The following SNTG1 variants were observed in gnomAD, a reference collection of about 807,000 sequenced individuals.
SNTG1 encodes the protein syntrophin gamma 1, also known as gamma-1-syntrophin.
A neutral mutation model predicts 74.7 loss-of-function variants in SNTG1; 39 were observed. That is an observed-to-expected ratio of 0.52 (90% CI 0.40 to 0.68). The LOEUF is 0.68. Among genes scored for constraint, SNTG1 ranks in the 30% least tolerant of loss-of-function variants. The probability of loss-of-function intolerance (pLI) is 0.00; values close to 1 mark genes in which losing one functional copy is unlikely to be tolerated. For missense variants in SNTG1, 685 were observed against 609.5 expected, an observed-to-expected ratio of 1.12 and a Z score of -1.30; for synonymous variants, 254 against 217.1, an observed-to-expected ratio of 1.17 and a Z score of -1.49.
At position 50,701,277 on chromosome 8, in the gene SNTG1, G is replaced by A. The variant is rs181055207; in HGVS notation, c.1039-3323G>A. Among the ~76,000 whole-genome samples, 138 of 152,270 alleles carry A rather than the reference G, an allele frequency of 9.1e-4. 2 individuals carry two copies. Among genetic ancestry groups the A allele is most frequent in the Middle Eastern group, 6.8e-3 (2 of 294 alleles). On this transcript the variant is annotated intron_variant, in intron 15 of 18. Transcript: ENST00000642720. ...TGTTGAAATATCTGCAGTATAAAGA[G>A]AGGGCATACTAAAATTTTTGCTATA...
intron 2 of SNTG1, among the ~76,000 whole-genome samples, chr8:50,383,772 C>T (rs1473378729): frequency 6.6e-6 from 1 of 152,158 alleles, no homozygotes; most frequent in African/African-American, 2.4e-5. Flanking sequence ...CCTAAGGAAC[C>T]TCCTGTGCAT....
At chr8:50,003,218 C>T (rs1248684093) in intron 1 of SNTG1, among the ~76,000 whole-genome samples, 2 of 152,124 alleles carry the variant, frequency 1.3e-5, no homozygotes, top group African/African-American at 4.8e-5. Context: ...CTGAGTTGTA[C>T]ACTTAAAAGG....
intron 16 of SNTG1, among the ~76,000 whole-genome samples, chr8:50,705,804 C>T (rs1437261127): frequency 6.6e-6 from 1 of 152,150 alleles, no homozygotes; most frequent in Non-Finnish European, 1.5e-5. Context: ...CTTCACAAGA[C>T]CATTGAACAA....
At chr8:50,699,932 C>T (rs1297512481) in intron 15 of SNTG1, among the ~76,000 whole-genome samples, 1 of 152,028 alleles carries the variant, frequency 6.6e-6, no homozygotes, top group South Asian at 2.1e-4. Flanking sequence ...ATCATCAGAT[C>T]AATTAATTAT....
intron 1 of SNTG1, among the ~76,000 whole-genome samples, chr8:50,065,186 T>G (rs149370642): frequency 1.2e-3 from 176 of 152,332 alleles, no homozygotes; most frequent in South Asian, 2.3e-3. Flanking sequence ...CAGGTGATTT[T>G]CAAATGAATG....
At chr8:50,116,098 T>G (rs1029058887) in intron 1 of SNTG1, among the ~76,000 whole-genome samples, 1 of 152,166 alleles carries the variant, frequency 6.6e-6, no homozygotes, top group Non-Finnish European at 1.5e-5. Context: ...ATTTAATTCT[T>G]TATAAAATGT....
At chr8:50,749,660 G>A (rs971390203) in intron 17 of SNTG1, among the ~76,000 whole-genome samples, 1 of 151,918 alleles carries the variant, frequency 6.6e-6, no homozygotes, top group Non-Finnish European at 1.5e-5. Flanking sequence ...AACATCCTAG[G>A]ACCCTTAAGA....
chr8:50,334,671 T>C (rs2091082040), intron 2 of SNTG1, among the ~76,000 whole-genome samples: 1 of 152,204 alleles, frequency 6.6e-6, no homozygotes, highest in Non-Finnish European at 1.5e-5. Context: ...GAAATGCCCA[T>C]TGCTGTGCTA....
In SNTG1 at chr8:50,209,935, A is replaced by G. The variant is rs546029997; in HGVS notation, c.-28+37300A>G. Among the ~76,000 whole-genome samples, 9 of 152,350 alleles carry G rather than the reference A, an allele frequency of 5.9e-5. No homozygotes were observed. The South Asian group carries it at 1.7e-3, about 28-fold the overall frequency. ...TGGTAATAAGAAACTTCTCTGAACT[A>G]AAGGAGGATGTACGAATCCATTGCA... On this transcript the variant is annotated intron_variant, in intron 2 of 18. Transcript: ENST00000642720.
chr8:50,769,048 T>A (rs934063485), intron 18 of SNTG1, among the ~76,000 whole-genome samples: 1 of 151,988 alleles, frequency 6.6e-6, no homozygotes, highest in Admixed American at 6.6e-5. Context: ...GAATTATTTT[T>A]ATTTTTCATT....
At chr8:50,224,735 C>T (rs186692943) in intron 2 of SNTG1, among the ~76,000 whole-genome samples, 1 of 152,256 alleles carries the variant, frequency 6.6e-6, no homozygotes, top group East Asian at 1.9e-4. Context: ...CCAGGCATAG[C>T]TGACCAGCAT....
At position 50,234,695 on chromosome 8, in the gene SNTG1, A is replaced by G. The variant is rs77395471; in HGVS notation, c.-28+62060A>G. 3.8e-4 allele frequency among the ~76,000 whole-genome samples: 58 copies of G among 152,248 alleles called. No homozygotes were observed. The East Asian group carries it at 9.3e-3, about 24-fold the overall frequency. On this transcript the variant is annotated intron_variant, in intron 2 of 18. Coordinates refer to ENST00000642720, the MANE Select transcript of SNTG1 (RefSeq NM_018967.5). ...AAATGTGTTACATCTATAAAACCAT[A>G]TCCTAAATATTGCTACTATTAGTAT...
intron 3 of SNTG1, among the ~76,000 whole-genome samples, chr8:50,398,578 C>G (rs895870259): frequency 6.6e-6 from 1 of 152,190 alleles, no homozygotes; most frequent in African/African-American, 2.4e-5. Flanking sequence ...ATTCCCTTCC[C>G]CATGTTGCTC....
rs1258677989 is a variant in SNTG1, at chr8:50,118,979, T to C, written c.-102-53582T>C. Among the ~76,000 whole-genome samples, 3 of 140,404 alleles carry C rather than the reference T, an allele frequency of 2.1e-5. No homozygotes were observed. In the East Asian group the frequency reaches 6.2e-4, roughly 29 times the overall value. The allele number at this position is 140,404 out of a possible 152,430, so 92.1% of individuals were successfully genotyped here. A position where few individuals can be genotyped will look rare whatever the true frequency, so the allele number is the denominator to read the frequency against. On this transcript the variant is annotated intron_variant, in intron 1 of 18. Coordinates refer to ENST00000642720, the MANE Select transcript of SNTG1 (RefSeq NM_018967.5). ...TCTACTTCTAACTACCTCAAGAAAA[T>C]ACGGCAGGATGCACTGGCTCACAGA...
intron 12 of SNTG1, among the ~76,000 whole-genome samples, chr8:50,583,652 C>CCCT: frequency 6.6e-6 from 1 of 151,170 alleles, no homozygotes; most frequent in East Asian, 1.9e-4. Context: ...CTGGAAGTCT[C>CCCT]TATAAAGTTT....
intron 13 of SNTG1, among the ~76,000 whole-genome samples, chr8:50,610,659 C>A (rs1203829627): frequency 6.6e-6 from 1 of 152,022 alleles, no homozygotes; most frequent in Admixed American, 6.6e-5. Context: ...TGATTCCATG[C>A]CATCAGATAT....
intron 13 of SNTG1, among the ~76,000 whole-genome samples, chr8:50,625,465 T>C (rs555784765): frequency 1.3e-5 from 2 of 152,182 alleles, no homozygotes; most frequent in Non-Finnish European, 2.9e-5. Context: ...AACACATGCA[T>C]ATAGCAAAAC....
At chr8:50,630,303 T>C (rs1322358583) in intron 13 of SNTG1, among the ~76,000 whole-genome samples, 1 of 152,150 alleles carries the variant, frequency 6.6e-6, no homozygotes, top group Non-Finnish European at 1.5e-5. Context: ...TAGGCTTACC[T>C]TAGTTTAAGG....
chr8:50,283,727 G>T (rs561889459), intron 2 of SNTG1, among the ~76,000 whole-genome samples: 2 of 152,192 alleles, frequency 1.3e-5, no homozygotes, highest in African/African-American at 4.8e-5. Context: ...ACATAGTTCT[G>T]TATTTCCCAA....
Sources: allele counts gnomAD v4.1 joint callset (sites outside exome capture counted in the v4.1 genomes callset), GRCh38; gene constraint gnomAD v4.1.1; transcripts MANE v1.5; gene names NCBI Gene and HGNC (gene_info 2026-07-23, HGNC 2026-07-21).